Variants in PCDH15 observed in about 807,000 individuals in gnomAD.
PCDH15 encodes protocadherin related 15, also known as protocadherin-15.
PCDH15 carries 129 observed loss-of-function variants against 178.5 expected under a neutral mutation model. The observed-to-expected ratio is 0.72, with a 90% CI of 0.63 to 0.84. The LOEUF (loss-of-function observed/expected upper bound fraction) is 0.84, where lower values mean the gene tolerates loss of function less well. Among genes scored for constraint, PCDH15 ranks in the 40% least tolerant of loss-of-function variants. PCDH15 has a pLI of 0.00. For synonymous variants in PCDH15, 800 were observed against 732.0 expected (o/e 1.09, Z -1.50); for missense variants, 2,230 against 2,099.9 (o/e 1.06, Z -1.21).
intron 2 of PCDH15, among the ~76,000 whole-genome samples, chr10:55,164,297 T>C (rs1267656909): frequency 1.3e-5 from 2 of 151,666 alleles, no homozygotes; most frequent in African/African-American, 4.8e-5. Context: ...CAACATAAAA[T>C]GTATTTTTTT....
chr10:55,530,522 TGTTCTTTA>T (rs1841426700), intron 2 of PCDH15, among the ~76,000 whole-genome samples: 1 of 152,032 alleles, frequency 6.6e-6, no homozygotes, highest in Non-Finnish European at 1.5e-5. Flanking sequence ...TGCTCAGCTA[TGTTCTTTA>T]AATTATTAGA....
chr10:55,389,383 T>C (rs772192172), intron 2 of PCDH15, among the ~76,000 whole-genome samples: 3 of 152,086 alleles, frequency 2.0e-5, no homozygotes, highest in Non-Finnish European at 4.4e-5. Flanking sequence ...CAAATATTGT[T>C]GCTAAATTCT....
At position 54,567,993 on chromosome 10, in the gene PCDH15, T is replaced by A. The variant is rs1455081697; in HGVS notation, c.92-40116A>T. 3.3e-5 allele frequency among the ~76,000 whole-genome samples: 5 copies of A among 152,164 alleles called. No individual in the cohort carries two copies. The East Asian group carries it at 9.6e-4, about 29-fold the overall frequency. ...CTGCTACGTATACTTATCTAACACATAAGTATACTTATAAAAAAATAAAAC... is the reference window on the plus strand; with the variant it reads ...CTGCTACGTATACTTATCTAACACAAAAGTATACTTATAAAAAAATAAAAC... On this transcript the variant is annotated intron_variant, in intron 2 of 37. Coordinates refer to ENST00000644397, the MANE Select transcript of PCDH15 (RefSeq NM_001384140.1).
chr10:54,182,874 A>G (rs556484482), intron 13 of PCDH15, among the ~76,000 whole-genome samples: 1 of 152,284 alleles, frequency 6.6e-6, no homozygotes, highest in Admixed American at 6.5e-5. Context: ...GTAACAACCA[A>G]GCATTTATTC....
chr10:55,532,029 T>A (rs549405503), intron 2 of PCDH15, among the ~76,000 whole-genome samples: 2 of 152,160 alleles, frequency 1.3e-5, no homozygotes, highest in East Asian at 3.9e-4. Context: ...TTGTAAGTAA[T>A]TCTGTTTTGG....
intron 2 of PCDH15, among the ~76,000 whole-genome samples, chr10:54,638,979 G>A (rs1355947768): frequency 6.6e-6 from 1 of 152,022 alleles, no homozygotes; most frequent in African/African-American, 2.4e-5. Context: ...GTAAGTGGAA[G>A]CTAAACTATG....
At chr10:55,040,693 T>C (rs995419835) in intron 2 of PCDH15, among the ~76,000 whole-genome samples, 1 of 152,134 alleles carries the variant, frequency 6.6e-6, no homozygotes, top group African/African-American at 2.4e-5. Context: ...AAAAACAATG[T>C]TATTATTTTA....
chr10:55,355,996 T>A (rs914451965), intron 2 of PCDH15, among the ~76,000 whole-genome samples: 7 of 151,912 alleles, frequency 4.6e-5, no homozygotes, highest in African/African-American at 1.7e-4. Flanking sequence ...TAACAATAAC[T>A]TCTCTGTTTG....
chr10:54,308,111 T>G (rs2060665187), intron 8 of PCDH15, among the ~76,000 whole-genome samples: 1 of 152,070 alleles, frequency 6.6e-6, no homozygotes, highest in Non-Finnish European at 1.5e-5. Context: ...AGATTTAAAT[T>G]CAGACTCTGA....
intron 2 of PCDH15, among the ~76,000 whole-genome samples, chr10:54,618,407 G>A (rs1348326207): frequency 2.0e-5 from 3 of 151,982 alleles, no homozygotes; most frequent in African/African-American, 7.2e-5. Flanking sequence ...TAAAACCGGG[G>A]AAATATTTCA....
At position 55,384,465 on chromosome 10, in the gene PCDH15, C is replaced by T. The variant is rs576645578; in HGVS notation, c.-155-217814G>A. Among the ~76,000 whole-genome samples the T allele has an allele frequency of 1.2e-4, 19 of 152,188 alleles. No individual in the cohort carries two copies. The East Asian group carries it at 1.9e-3, about 15-fold the overall frequency. On this transcript the variant is annotated intron_variant, in intron 2 of 5. Coordinates refer to the PCDH15 transcript ENST00000613346. ...GATGTTATGATAAGAAGAAATTCATCCTCATTCTGATGGAAAAATTAATTG... is the reference window on the plus strand; with the variant it reads ...GATGTTATGATAAGAAGAAATTCATTCTCATTCTGATGGAAAAATTAATTG...
At chr10:55,418,928 T>C (rs1358067776) in intron 2 of PCDH15, among the ~76,000 whole-genome samples, 1 of 151,818 alleles carries the variant, frequency 6.6e-6, no homozygotes, top group African/African-American at 2.4e-5. Flanking sequence ...GTTTTCCTCA[T>C]GAATTCTTTT....
intron 1 of PCDH15, among the ~76,000 whole-genome samples, chr10:55,305,105 G>A (rs1253683344): frequency 2.0e-5 from 3 of 152,112 alleles, no homozygotes; most frequent in Non-Finnish European, 4.4e-5. Flanking sequence ...CTATTACCTC[G>A]GCTTATCTTG....
intron 5 of PCDH15, among the ~76,000 whole-genome samples, chr10:54,363,345 T>C (rs1421212104): frequency 6.6e-6 from 1 of 152,166 alleles, no homozygotes; most frequent in African/African-American, 2.4e-5. Context: ...GGCTTTTTTC[T>C]TTCTATTTTA....
intron 15 of PCDH15, among the ~76,000 whole-genome samples, chr10:54,105,739 C>A (rs2094906453): frequency 6.6e-6 from 1 of 152,110 alleles, no homozygotes; most frequent in South Asian, 2.1e-4. Context: ...AGTTGACACT[C>A]AGTATTAACC....
At chr10:54,619,360 T>G (rs1003203549) in intron 2 of PCDH15, 7 of 151,460 alleles carry the variant, frequency 4.6e-5, no homozygotes, top group African/African-American at 1.7e-4. Flanking sequence ...GATAATTCAT[T>G]GATTGGGATA....
At chr10:54,047,827 C>T (rs1399950352) in intron 18 of PCDH15, among the ~76,000 whole-genome samples, 1 of 152,034 alleles carries the variant, frequency 6.6e-6, no homozygotes, top group Non-Finnish European at 1.5e-5. Context: ...TGTTGGGCAT[C>T]TAGGTTAATT....
intron 14 of PCDH15, among the ~76,000 whole-genome samples, chr10:54,149,537 C>A (rs2044308418): frequency 1.3e-5 from 2 of 152,062 alleles, no homozygotes; most frequent in African/African-American, 4.8e-5. Flanking sequence ...CTGGAATGGA[C>A]TAAGAAAAGC....
chr10:54,089,964 G>T lies in PCDH15; in HGVS notation c.1997+20C>A. 1 of 1,573,676 alleles carries T rather than the reference G, an allele frequency of 6.4e-7. No individual in the cohort carries two copies. The highest frequency in any genetic ancestry group is 8.7e-7 in the Non-Finnish European group (1 of 1,144,198). On this transcript the variant is annotated intron_variant, in intron 16 of 37. Transcript: ENST00000644397. ...CGTTGCTGTACATTTTTTTAAAGTA[G>T]GAAATCATTTTTAACTTACGTTTCT... is the stretch of plus-strand genomic sequence containing the variant.
Sources: allele counts gnomAD v4.1 joint callset (sites outside exome capture counted in the v4.1 genomes callset), GRCh38; gene constraint gnomAD v4.1.1; transcripts MANE v1.5; gene names NCBI Gene and HGNC (gene_info 2026-07-23, HGNC 2026-07-21).